Variants in TACC2 observed in about 807,000 individuals in gnomAD.
TACC2 encodes the protein transforming acidic coiled-coil-containing protein 2.
Under a neutral mutation model 227.3 loss-of-function variants are expected in TACC2, and 137 were observed. The observed-to-expected ratio is 0.60, with a 90% CI of 0.52 to 0.69. The LOEUF (loss-of-function observed/expected upper bound fraction) is 0.69, where lower values mean the gene tolerates loss of function less well. Ranked by LOEUF, TACC2 falls within the 30% of genes least tolerant of loss-of-function variation. TACC2 has a pLI of 0.00. For missense variants in TACC2, 3,470 were observed against 3,694.4 expected, an observed-to-expected ratio of 0.94 and a Z score of 1.57; for synonymous variants, 1,523 against 1,487.5, an observed-to-expected ratio of 1.02 and a Z score of -0.55.
chr10:122,091,957 C>T (rs925965741), intron 5 of TACC2, among the ~76,000 whole-genome samples: 13 of 152,214 alleles, frequency 8.5e-5, no homozygotes, highest in African/African-American at 2.4e-4. Flanking sequence ...GGGATGACAC[C>T]AATTGTACCT....
intron 9 of TACC2, 36 bp downstream of exon 9, chr10:122,211,744 C>T (rs368733981): frequency 5.0e-5 from 76 of 1,507,322 alleles, no homozygotes; most frequent in African/African-American, 8.4e-5. Context: ...GGATCAGAGG[C>T]GGGGGTGCGC....
intron 1 of TACC2, among the ~76,000 whole-genome samples, chr10:121,996,208 C>T (rs961185774): frequency 8.5e-5 from 13 of 152,194 alleles, no homozygotes; most frequent in African/African-American, 3.1e-4. Context: ...CACGCACCAC[C>T]ACACCTGGCT....
At chr10:122,142,815 A>ACC (rs1451398900) in intron 6 of TACC2, among the ~76,000 whole-genome samples, 12 of 152,304 alleles carry the variant, frequency 7.9e-5, no homozygotes, top group Admixed American at 3.9e-4. Context: ...CTGGGAGGGT[A>ACC]CCACCCTGAA....
At chr10:122,156,928 T>C (rs1464629388) in intron 7 of TACC2, among the ~76,000 whole-genome samples, 1 of 151,846 alleles carries the variant, frequency 6.6e-6, no homozygotes, top group African/African-American at 2.4e-5. Flanking sequence ...TTAGGCAACA[T>C]AGTGAGACCA....
intron 5 of TACC2, among the ~76,000 whole-genome samples, chr10:122,094,221 T>G (rs1224415408): frequency 6.6e-6 from 1 of 152,242 alleles, no homozygotes; most frequent in East Asian, 1.9e-4. Context: ...CTGTGTTTCA[T>G]AAGTAAAATG....
At chr10:122,133,529 G>A (rs566073191) in intron 6 of TACC2, among the ~76,000 whole-genome samples, 1 of 152,134 alleles carries the variant, frequency 6.6e-6, no homozygotes, top group African/African-American at 2.4e-5. Context: ...ACACATGTCT[G>A]TGTGTGTGTC....
chr10:122,228,704 A>G (rs779924798), intron 14 of TACC2, among the ~76,000 whole-genome samples: 1 of 152,108 alleles, frequency 6.6e-6, no homozygotes, highest in Non-Finnish European at 1.5e-5. Flanking sequence ...TTAGTAGGCC[A>G]TTTCTCTTGT....
chr10:122,235,765 G>T (rs1203542091), intron 16 of TACC2, among the ~76,000 whole-genome samples: 2 of 152,096 alleles, frequency 1.3e-5, no homozygotes, highest in Non-Finnish European at 2.9e-5. Context: ...TCTGCTGAGG[G>T]CTATTAGTAT....
chr10:122,233,948 C>T (rs2095808335), intron 16 of TACC2, among the ~76,000 whole-genome samples: 1 of 152,210 alleles, frequency 6.6e-6, no homozygotes, highest in Admixed American at 6.5e-5. Context: ...GGCCACTCTC[C>T]TGCGCGGGTG....
chr10:122,006,472 A>T (rs190724973), intron 1 of TACC2, among the ~76,000 whole-genome samples: 1 of 152,054 alleles, frequency 6.6e-6, no homozygotes, highest in South Asian at 2.1e-4. Context: ...ATAAATAAAT[A>T]AATAAATAAA....
intron 7 of TACC2, among the ~76,000 whole-genome samples, chr10:122,166,879 A>G (rs568512255): frequency 1.4e-4 from 21 of 152,204 alleles, no homozygotes; most frequent in Non-Finnish European, 2.6e-4. Context: ...GAAAACACTT[A>G]TTTCTCAGTA....
chr10:122,053,813 T>C (rs2075955988), intron 3 of TACC2, among the ~76,000 whole-genome samples: 1 of 152,098 alleles, frequency 6.6e-6, no homozygotes, highest in Non-Finnish European at 1.5e-5. Context: ...ACAACCAGCA[T>C]TTTCTCTTCA....
chr10:122,249,398 G>C, intron 21 of TACC2, 146 bp from the exon 22 acceptor site: 1 of 1,149,722 alleles, frequency 8.7e-7, no homozygotes, highest in Non-Finnish European at 1.2e-6. Context: ...ATTGGGTTTG[G>C]TGTTCTCATG....
rs116511975 is a variant in TACC2, at chr10:122,146,378, T to C, written c.5834+2672T>C. On this transcript the variant is annotated intron_variant, in intron 7 of 22. Coordinates refer to ENST00000369005, the MANE Select transcript of TACC2 (RefSeq NM_206862.4). ...TTTGAGTATTTGTTGCCTCCAAAAT[T>C]CATGCTGAAACTTAACCCCCAATCT... Among the ~76,000 whole-genome samples the C allele has an allele frequency of 6.5e-3, 986 of 152,264 alleles. 8 individuals are homozygous for C. The highest frequency in any genetic ancestry group is 0.022 in the African/African-American group (905 of 41,542).
chr10:122,081,994 A>G (rs79511132), intron 3 of TACC2, among the ~76,000 whole-genome samples: 58 of 152,244 alleles, frequency 3.8e-4, no homozygotes, highest in Non-Finnish European at 7.9e-4. Flanking sequence ...ACTGGTTCAA[A>G]TCCCCTGTTA....
rs1250192833 is a variant in TACC2 at position 122,005,382 on chromosome 10, CT to C, written c.-46+15910del. Among the ~76,000 whole-genome samples the C allele has an allele frequency of 3.2e-3, 385 of 119,186 alleles. 3 individuals carry two copies. The highest frequency in any genetic ancestry group is 7.8e-3 in the African/African-American group (245 of 31,598). The allele number at this position is 119,186 out of a possible 152,430, so 78.2% of individuals were successfully genotyped here. A position where few individuals can be genotyped will look rare whatever the true frequency, so the allele number is the denominator to read the frequency against. On this transcript the variant is annotated intron_variant, in intron 1 of 22. Coordinates refer to ENST00000369005, the MANE Select transcript of TACC2 (RefSeq NM_206862.4). ...TACAGGTGTGAGCCACCACGCCCAG[CT>C]TTTTTTTTTTTTTTTGAGACAGAGT...
At chr10:122,119,061 T>G (rs968798520) in intron 5 of TACC2, among the ~76,000 whole-genome samples, 1 of 152,210 alleles carries the variant, frequency 6.6e-6, no homozygotes, top group Non-Finnish European at 1.5e-5. Context: ...TTCATATTAT[T>G]GTGAAACATC....
At chr10:122,252,119 C>A (rs775027062) in intron 22 of TACC2, among the ~76,000 whole-genome samples, 1 of 152,166 alleles carries the variant, frequency 6.6e-6, no homozygotes, top group Non-Finnish European at 1.5e-5. Context: ...GGAAAACCTC[C>A]GGGAATCACT....
chr10:122,122,407 T>A lies in TACC2; in HGVS notation c.5574-10202T>A, dbSNP rs558654143. Among the ~76,000 whole-genome samples the A allele has an allele frequency of 1.1e-4, 17 of 152,038 alleles. No homozygotes were observed. In the Middle Eastern group the frequency reaches 0.01, roughly 91 times the overall value. The stretch of plus-strand genomic sequence containing the variant: ...TTGTCTGCCTTCTTCATAGCAGTGA[T>A]GAGGAATCATAAAAGTGGCATTTAA... On this transcript the variant is annotated intron_variant, in intron 5 of 22. Transcript: ENST00000369005.
Sources: allele counts gnomAD v4.1 joint callset (sites outside exome capture counted in the v4.1 genomes callset), GRCh38; gene constraint gnomAD v4.1.1; transcripts MANE v1.5; gene names NCBI Gene and HGNC (gene_info 2026-07-23, HGNC 2026-07-21).